CCDC85C: variants seen among roughly 807,000 people sequenced by gnomAD.
The protein encoded by CCDC85C is coiled-coil domain containing 85C, also known as coiled-coil domain-containing protein 85C.
Under a neutral mutation model 38.3 loss-of-function variants are expected in CCDC85C, and 18 were observed. That is an observed-to-expected ratio of 0.47 (90% CI 0.33 to 0.70). The LOEUF (loss-of-function observed/expected upper bound fraction) is 0.70, where lower values mean the gene tolerates loss of function less well. CCDC85C is among the 30% of genes least tolerant of loss of function. The pLI is 0.03. For synonymous variants in CCDC85C, 264 were observed against 293.8 expected (o/e 0.90, Z 1.04); for missense variants, 566 against 621.2 (o/e 0.91, Z 0.94).
rs988245120 is a variant in CCDC85C at position 99,548,614 on chromosome 14, A to G, written c.794-12526T>C. 6.6e-6 allele frequency among the ~76,000 whole-genome samples: 1 copy of G among 152,044 alleles called. No individual in the cohort carries two copies. Among genetic ancestry groups the G allele is most frequent in the Non-Finnish European group, 1.5e-5 (1 of 68,014 alleles). ...CCAAATGCCCTCCCCAGGAGACCAG[A>G]CAAATTGTCGTTTAACCCAACAATG... is the stretch of plus-strand genomic sequence containing the variant. On this transcript the variant is annotated intron_variant, in intron 1 of 5. Transcript: ENST00000380243. The surrounding 1 kb of genome is among the most constrained non-coding windows in gnomAD (Gnocchi z 4.9).
Position 99,551,742 on chromosome 14 carries a change from T to A in CCDC85C, c.794-15654A>T, listed in dbSNP as rs149558341. Among the ~76,000 whole-genome samples the A allele has an allele frequency of 5.4e-4, 82 of 151,096 alleles. No individual in the cohort carries two copies. The Middle Eastern group carries it at 0.01, about 19-fold the overall frequency. Reference sequence around the variant, plus strand: ...GTGGGCAGATGGGTGAGCAGGTGAGTGAGCAAGTGAGTAAGCATGCAGCAG... The same window carrying A: ...GTGGGCAGATGGGTGAGCAGGTGAGAGAGCAAGTGAGTAAGCATGCAGCAG... On this transcript the variant is annotated intron_variant, in intron 1 of 5. Transcript: ENST00000380243.
At position 99,505,801 on chromosome 14, in the gene CCDC85C, G is replaced by A. The variant is rs1896959313; in HGVS notation, c.*9445C>T. On this transcript the variant is annotated 3_prime_UTR_variant, in exon 6 of 6. Coordinates refer to ENST00000380243, the MANE Select transcript of CCDC85C (RefSeq NM_001144995.2). ...GAGCCTGGTTGGTTGAAGCTGCAGT[G>A]AGCCATGATTACATTACTACACTCC... 1 of 152,234 alleles carries A rather than the reference G, an allele frequency of 6.6e-6. No homozygotes were observed. Among genetic ancestry groups the A allele is most frequent in the South Asian group, 2.1e-4 (1 of 4,836 alleles). 9.4% of individuals were successfully genotyped at this position (152,234 alleles called of 1,614,324 possible). A position where few individuals can be genotyped will look rare whatever the true frequency, so the allele number is the denominator to read the frequency against.
In CCDC85C at chr14:99,501,222, C is replaced by G. The variant is rs1282524104; in HGVS notation, c.*14024G>C. 1.0e-5 allele frequency: 7 copies of G among 668,066 alleles called. No homozygotes were observed. The allele number at this position is 668,066 out of a possible 1,614,324, so 41.4% of individuals were successfully genotyped here. ...AGGATGTGGACCCACATCATTCATC[C>G]TTGTTTCCCACGCAAAAGCTCTTTG... On this transcript the variant is annotated 3_prime_UTR_variant, in exon 6 of 6. Coordinates refer to ENST00000380243, the MANE Select transcript of CCDC85C (RefSeq NM_001144995.2).
intron 1 of CCDC85C, chr14:99,579,969 T>G (rs1215013870): frequency 2.2e-6 from 1 of 445,354 alleles, no homozygotes; most frequent in Non-Finnish European, 4.5e-6. Context: ...GGGTAGGGCA[T>G]TAATCACCTC....
In CCDC85C at chr14:99,601,518, T is replaced by A. The variant is rs139209938; in HGVS notation, c.793+1649A>T. ...AGGCACTCTTGCCAAGTGTCATTGA[T>A]GACGCAGCTGAAAACCAGAAACATT... On this transcript the variant is annotated intron_variant, in intron 1 of 5. Transcript: ENST00000380243. 2.6e-3 allele frequency among the ~76,000 whole-genome samples: 401 copies of A among 152,312 alleles called. 3 individuals are homozygous for A. The highest frequency in any genetic ancestry group is 9.4e-3 in the African/African-American group (390 of 41,558).
intron 1 of CCDC85C, among the ~76,000 whole-genome samples, chr14:99,580,490 G>C (rs1184278283): frequency 6.8e-6 from 1 of 147,312 alleles, no homozygotes; most frequent in Admixed American, 6.8e-5. Context: ...GAAGGGGGCG[G>C]GGATGGGGGG....
rs1898364297 is a variant in CCDC85C, at chr14:99,572,233, G to A, written c.793+30934C>T. Among the ~76,000 whole-genome samples, 1 of 152,150 alleles carries A rather than the reference G, an allele frequency of 6.6e-6. No homozygotes were observed. Among genetic ancestry groups the A allele is most frequent in the South Asian group, 2.1e-4 (1 of 4,826 alleles). On this transcript the variant is annotated intron_variant, in intron 1 of 5. Transcript: ENST00000380243. The surrounding 1 kb of genome is among the most constrained non-coding windows in gnomAD (Gnocchi z 4.4). ...CTGGCCCCAGCAGCGTTAGTGAATG[G>A]CCAGGCTGTGGCCCTCCCCGAGAGT... is the stretch of plus-strand genomic sequence containing the variant.
intron 1 of CCDC85C, among the ~76,000 whole-genome samples, chr14:99,595,174 A>C (rs2055129845): frequency 6.6e-6 from 1 of 152,190 alleles, no homozygotes; most frequent in Non-Finnish European, 1.5e-5. Context: ...CCATCACCCC[A>C]GCTGAACCCA....
At chr14:99,557,655 A>G (rs1898038119) in intron 1 of CCDC85C, among the ~76,000 whole-genome samples, 1 of 152,136 alleles carries the variant, frequency 6.6e-6, no homozygotes, top group Non-Finnish European at 1.5e-5. Flanking sequence ...TGGCTCACAC[A>G]TGTAATCCCA....
chr14:99,584,778 G>GA (rs1235306596), intron 1 of CCDC85C, among the ~76,000 whole-genome samples: 4 of 152,298 alleles, frequency 2.6e-5, no homozygotes, highest in East Asian at 1.9e-4. Flanking sequence ...CAGAGCGGGG[G>GA]AAAAATCACA....
At position 99,545,481 on chromosome 14, in the gene CCDC85C, C is replaced by T. The variant is rs1007636374; in HGVS notation, c.794-9393G>A. On this transcript the variant is annotated intron_variant, in intron 1 of 5. Transcript: ENST00000380243. The surrounding 1 kb of genome is among the most constrained non-coding windows in gnomAD (Gnocchi z 4.7). ...AAGCCAAATGAAAACTGTGTAATTG[C>T]TTCAAATATGGGGACAAGGGGAAAA... Among the ~76,000 whole-genome samples, 2 of 152,220 alleles carry T rather than the reference C, an allele frequency of 1.3e-5. No individual in the cohort carries two copies. Among genetic ancestry groups the T allele is most frequent in the East Asian group, 1.9e-4 (1 of 5,168 alleles).
rs1386362640 is a variant in CCDC85C at position 99,516,397 on chromosome 14, C to T, written c.1072-111G>A. On this transcript the variant is annotated intron_variant, in intron 4 of 5. Coordinates refer to ENST00000380243, the MANE Select transcript of CCDC85C (RefSeq NM_001144995.2). The surrounding 1 kb of genome is among the most constrained non-coding windows in gnomAD (Gnocchi z 5.5). ...CTGCTGCGAACCAAAGCTGAGGACC[C>T]TGAGCCGCTGGGCCCCTGGGGACAA... 1.5e-5 allele frequency: 11 copies of T among 757,842 alleles called. No homozygotes were observed. Among genetic ancestry groups the T allele is most frequent in the Non-Finnish European group, 2.2e-5 (10 of 453,166 alleles). The allele number at this position is 757,842 out of a possible 1,614,324, so 46.9% of individuals were successfully genotyped here. A position where few individuals can be genotyped will look rare whatever the true frequency, so the allele number is the denominator to read the frequency against.
At position 99,591,069 on chromosome 14, in the gene CCDC85C, A is replaced by G. The variant is rs868447008; in HGVS notation, c.793+12098T>C. ...CAGAGGACAGGAGGGGAGGATGCTC[A>G]AAGCCCTAGTGACAAGGCCAGGGCA... On this transcript the variant is annotated intron_variant, in intron 1 of 5. Coordinates refer to ENST00000380243, the MANE Select transcript of CCDC85C (RefSeq NM_001144995.2). Among the ~76,000 whole-genome samples, 6 of 152,342 alleles carry G rather than the reference A, an allele frequency of 3.9e-5. No individual in the cohort carries two copies. In the Middle Eastern group the frequency reaches 0.01, roughly 259 times the overall value.
At position 99,558,921 on chromosome 14, in the gene CCDC85C, C is replaced by T. The variant is rs937382136; in HGVS notation, c.794-22833G>A. On this transcript the variant is annotated intron_variant, in intron 1 of 5. Coordinates refer to ENST00000380243, the MANE Select transcript of CCDC85C (RefSeq NM_001144995.2). This position sits in a 1 kb window ranked among gnomAD's most constrained non-coding sequence, Gnocchi z 4.2. ...GTTTCTGATGGTTTAGTGCCACCCCCTATTGCTGTTCTTGTGATACAGTTC... is the reference window on the plus strand; with the variant it reads ...GTTTCTGATGGTTTAGTGCCACCCCTTATTGCTGTTCTTGTGATACAGTTC... Among the ~76,000 whole-genome samples the T allele has an allele frequency of 1.3e-5, 2 of 152,124 alleles. No individual in the cohort carries two copies. Among genetic ancestry groups the T allele is most frequent in the Non-Finnish European group, 2.9e-5 (2 of 68,014 alleles).
rs911551772 is a variant in CCDC85C, at chr14:99,511,732, T to G, written c.*3514A>C. ...AGCCTGCCCCCATCCTGTGCCTGCCTTGGTTTCCTTTGGAGGACCTGGTTG... is the reference window on the plus strand; with the variant it reads ...AGCCTGCCCCCATCCTGTGCCTGCCGTGGTTTCCTTTGGAGGACCTGGTTG... On this transcript the variant is annotated 3_prime_UTR_variant, in exon 6 of 6. Transcript: ENST00000380243. The G allele has an allele frequency of 6.5e-6, 1 of 152,746 alleles. No homozygotes were observed. The highest frequency in any genetic ancestry group is 1.5e-5 in the Non-Finnish European group (1 of 68,124). 9.5% of individuals were successfully genotyped at this position (152,746 alleles called of 1,614,324 possible).
intron 5 of CCDC85C, among the ~76,000 whole-genome samples, chr14:99,515,893 C>G (rs1315918887): frequency 6.6e-6 from 1 of 151,870 alleles, no homozygotes; most frequent in Non-Finnish European, 1.5e-5. Flanking sequence ...GTGAACAAAC[C>G]AGTCCCGGGG....
rs1420806785 is a variant in CCDC85C, at chr14:99,512,697, T to TTGAAA, written c.*2544_*2548dup. 6.6e-6 allele frequency: 1 copy of TTGAAA among 152,042 alleles called. No homozygotes were observed. Among genetic ancestry groups the TTGAAA allele is most frequent in the African/African-American group, 2.4e-5 (1 of 41,396 alleles). 9.4% of individuals were successfully genotyped at this position (152,042 alleles called of 1,614,324 possible). On this transcript the variant is annotated 3_prime_UTR_variant, in exon 6 of 6. Coordinates refer to ENST00000380243, the MANE Select transcript of CCDC85C (RefSeq NM_001144995.2). Reference sequence around the variant, plus strand: ...GCTTCAAGATCAAGAGTCAGAGCCTTTGAAATGGAAAGGGGGCATCTGAAA... The same window carrying TTGAAA: ...GCTTCAAGATCAAGAGTCAGAGCCTTTGAAATGAAATGGAAAGGGGGCATCTGAAA...
At chr14:99,575,105 C>T (rs1217377399) in intron 1 of CCDC85C, among the ~76,000 whole-genome samples, 4 of 152,232 alleles carry the variant, frequency 2.6e-5, no homozygotes, top group Non-Finnish European at 4.4e-5. Context: ...CGGGGATGGT[C>T]AGGGTGCTCT....
At chr14:99,559,064 A>G (rs114453561) in intron 1 of CCDC85C, among the ~76,000 whole-genome samples, 5,369 of 151,958 alleles carry the variant, frequency 0.035, 227 homozygotes, top group African/African-American at 0.099. Flanking sequence ...ATGATTGTAC[A>G]TTTCCTGAGG....
Sources: gnomAD v4.1 joint callset for allele counts (sites outside exome capture counted in the v4.1 genomes callset) on GRCh38, gnomAD v4.1.1 for gene constraint, Gnocchi (gnomAD v3.1) non-coding constraint, MANE v1.5 for transcripts, NCBI Gene and HGNC (gene_info 2026-07-23, HGNC 2026-07-21) for gene names.